The following LRRC8D variants were observed in gnomAD, a reference collection of about 807,000 sequenced individuals.
LRRC8D encodes the protein leucine rich repeat containing 8 VRAC subunit D, also known as volume-regulated anion channel subunit LRRC8D.
Under a neutral mutation model 55.8 loss-of-function variants are expected in LRRC8D, and 20 were observed. The ratio of observed to expected loss-of-function variants is 0.36; its 90% CI spans 0.25 to 0.52. The LOEUF (loss-of-function observed/expected upper bound fraction) is 0.52, where lower values mean the gene tolerates loss of function less well. Among genes scored for constraint, LRRC8D ranks in the 20% least tolerant of loss-of-function variants. The pLI is 0.93. For synonymous variants in LRRC8D, 352 were observed against 377.0 expected (o/e 0.93, Z 0.77); for missense variants, 651 against 1,030.8 (o/e 0.63, Z 5.05).
chr1:89,846,153 A>G (rs983782834), intron 2 of LRRC8D, among the ~76,000 whole-genome samples: 8 of 152,112 alleles, frequency 5.3e-5, no homozygotes, highest in Non-Finnish European at 1.2e-4. Flanking sequence ...TTTCTTTAGC[A>G]TCTGTCACTC....
intron 1 of LRRC8D, among the ~76,000 whole-genome samples, chr1:89,824,087 G>C (rs965367571): frequency 1.3e-5 from 2 of 152,144 alleles, no homozygotes; most frequent in Admixed American, 6.6e-5. Context: ...GAGGTGGCAG[G>C]TGCTGCTGTC....
intron 1 of LRRC8D, among the ~76,000 whole-genome samples, chr1:89,825,875 C>T (rs938876378): frequency 3.3e-5 from 5 of 152,190 alleles, no homozygotes; most frequent in Admixed American, 2.0e-4. Flanking sequence ...TGGTAGCTGT[C>T]TCACAGTGTT....
At chr1:89,891,754 C>T (rs1662584976) in intron 2 of LRRC8D, among the ~76,000 whole-genome samples, 1 of 152,232 alleles carries the variant, frequency 6.6e-6, no homozygotes, top group African/African-American at 2.4e-5. Context: ...TTGTGCCTGG[C>T]ACAGTGCTGA....
chr1:89,864,695 C>T (rs1010043243), intron 2 of LRRC8D, among the ~76,000 whole-genome samples: 3 of 152,082 alleles, frequency 2.0e-5, no homozygotes, highest in Admixed American at 6.5e-5. Flanking sequence ...ATCCTTGGAA[C>T]TCCTTAATAA....
At chr1:89,909,948 A>C (rs910863190) in intron 2 of LRRC8D, among the ~76,000 whole-genome samples, 90 of 151,950 alleles carry the variant, frequency 5.9e-4, no homozygotes, top group Non-Finnish European at 2.1e-4. Flanking sequence ...TAAGTCCCTT[A>C]GCCCCTCCTT....
At chr1:89,887,065 G>A (rs1373478986) in intron 2 of LRRC8D, among the ~76,000 whole-genome samples, 1 of 152,136 alleles carries the variant, frequency 6.6e-6, no homozygotes, top group Non-Finnish European at 1.5e-5. Flanking sequence ...GGAGAAAAGT[G>A]TAAAATGTGG....
intron 2 of LRRC8D, among the ~76,000 whole-genome samples, chr1:89,856,608 A>G (rs1204948332): frequency 6.6e-6 from 1 of 152,238 alleles, no homozygotes; most frequent in Admixed American, 6.5e-5. Context: ...AGAAAATCAG[A>G]TCTCCAAGCA....
chr1:89,855,007 T>C (rs1570824688), intron 2 of LRRC8D, among the ~76,000 whole-genome samples: 1 of 152,190 alleles, frequency 6.6e-6, no homozygotes, highest in African/African-American at 2.4e-5. Context: ...GATAATTTAG[T>C]CGTTTCATAA....
At chr1:89,845,371 T>C (rs1350924969) in intron 2 of LRRC8D, among the ~76,000 whole-genome samples, 2 of 152,216 alleles carry the variant, frequency 1.3e-5, no homozygotes, top group African/African-American at 4.8e-5. Context: ...TGAATTTAAT[T>C]GTGAGATGGC....
At chr1:89,828,942 C>G (rs1660826616) in intron 1 of LRRC8D, among the ~76,000 whole-genome samples, 1 of 152,146 alleles carries the variant, frequency 6.6e-6, no homozygotes, top group Non-Finnish European at 1.5e-5. Context: ...ACCTTTTTCT[C>G]TGATGGTCAT....
At chr1:89,854,582 G>A (rs919393449) in intron 2 of LRRC8D, among the ~76,000 whole-genome samples, 4 of 152,178 alleles carry the variant, frequency 2.6e-5, no homozygotes, top group Admixed American at 1.3e-4. Flanking sequence ...AAGACGGGGA[G>A]TTCTTCCTCC....
chr1:89,916,795 C>A (rs1557482738), intron 2 of LRRC8D, among the ~76,000 whole-genome samples: 1 of 152,072 alleles, frequency 6.6e-6, no homozygotes, highest in Non-Finnish European at 1.5e-5. Context: ...GGGGCCGCCA[C>A]CTTCCCCAAA....
chr1:89,886,663 A>G (rs920239121), intron 2 of LRRC8D, among the ~76,000 whole-genome samples: 3 of 152,240 alleles, frequency 2.0e-5, no homozygotes, highest in Admixed American at 6.5e-5. Context: ...TGGCAGTAAC[A>G]GCAGCCTATT....
chr1:89,918,884 T>TG (rs1663344894), intron 2 of LRRC8D, among the ~76,000 whole-genome samples: 1 of 152,240 alleles, frequency 6.6e-6, no homozygotes, highest in Non-Finnish European at 1.5e-5. Flanking sequence ...TGGTTCAGGT[T>TG]GGGTGCCTTC....
rs368911616 is a variant in LRRC8D, at chr1:89,838,358, G to C, written c.-147-5280G>C. Among the ~76,000 whole-genome samples the C allele has an allele frequency of 1.3e-4, 20 of 152,274 alleles. No individual in the cohort carries two copies. The East Asian group carries it at 2.9e-3, about 22-fold the overall frequency. On this transcript the variant is annotated intron_variant, in intron 1 of 2. Coordinates refer to ENST00000337338, the MANE Select transcript of LRRC8D (RefSeq NM_001134479.2). ...CCACTGCACTCCAGCCTGGGAAACA[G>C]AGTGAGACTCTGTCTCAAAAATAAA...
At chr1:89,862,156 C>T (rs192670317) in intron 2 of LRRC8D, among the ~76,000 whole-genome samples, 7 of 152,224 alleles carry the variant, frequency 4.6e-5, no homozygotes, top group East Asian at 3.9e-4. Context: ...CTCTATGCAG[C>T]GATTTTCTTC....
At chr1:89,902,970 C>T (rs941601497) in intron 2 of LRRC8D, among the ~76,000 whole-genome samples, 12 of 152,180 alleles carry the variant, frequency 7.9e-5, no homozygotes, top group African/African-American at 2.9e-4. Flanking sequence ...AAATTGATTG[C>T]TTAATGTGCA....
At chr1:89,840,523 C>G (rs1187972634) in intron 1 of LRRC8D, among the ~76,000 whole-genome samples, 1 of 152,182 alleles carries the variant, frequency 6.6e-6, no homozygotes, top group African/African-American at 2.4e-5. Context: ...GGCCACTGCT[C>G]TGGAGGGGAG....
chr1:89,883,928 C>T (rs1266000567), intron 2 of LRRC8D, among the ~76,000 whole-genome samples: 1 of 152,166 alleles, frequency 6.6e-6, no homozygotes, highest in Non-Finnish European at 1.5e-5. Context: ...AAACAAACAC[C>T]CACTGCCAGC....
Sources: gnomAD v4.1 joint callset for allele counts (sites outside exome capture counted in the v4.1 genomes callset) on GRCh38, gnomAD v4.1.1 for gene constraint, MANE v1.5 for transcripts, NCBI Gene and HGNC (gene_info 2026-07-23, HGNC 2026-07-21) for gene names.